The following AGBL1 variants were observed in gnomAD, a reference collection of about 807,000 sequenced individuals.
AGBL1 encodes AGBL carboxypeptidase 1, also known as cytosolic carboxypeptidase 4.
Under a neutral mutation model 118.9 loss-of-function variants are expected in AGBL1, and 130 were observed. That is an observed-to-expected ratio of 1.09 (90% CI 0.95 to 1.26). The LOEUF (loss-of-function observed/expected upper bound fraction) is 1.26, where lower values mean the gene tolerates loss of function less well. AGBL1 is among the 50% of genes most tolerant of loss of function. The pLI is 0.00. For missense variants in AGBL1, 1,584 were observed against 1,298.1 expected, an observed-to-expected ratio of 1.22 and a Z score of -3.38; for synonymous variants, 555 against 478.9, an observed-to-expected ratio of 1.16 and a Z score of -2.08.
chr15:86,862,924 C>A (rs946816208), intron 22 of AGBL1, among the ~76,000 whole-genome samples: 1 of 152,100 alleles, frequency 6.6e-6, no homozygotes, highest in Non-Finnish European at 1.5e-5. Context: ...TTGGACCAAA[C>A]ATGGTAGCTA....
intron 21 of AGBL1, among the ~76,000 whole-genome samples, chr15:86,643,652 A>T (rs1216301503): frequency 6.6e-6 from 1 of 152,122 alleles, no homozygotes; most frequent in African/African-American, 2.4e-5. Flanking sequence ...TTTTTCAGTA[A>T]TTAGTTTGAC....
In AGBL1 at chr15:86,793,797, A is replaced by T. The variant is rs150035728; in HGVS notation, c.3159-113290A>T. Among the ~76,000 whole-genome samples the T allele has an allele frequency of 3.4e-3, 523 of 152,348 alleles. 4 individuals are homozygous for T. Among genetic ancestry groups the T allele is most frequent in the African/African-American group, 0.012 (491 of 41,578 alleles). On this transcript the variant is annotated intron_variant, in intron 22 of 22. Transcript: ENST00000614907. Reference sequence around the variant, plus strand: ...CCAATTAAAAATTACGAAAGTCTTGAGTAGACTTTTTCCAAAGAAGATGCA... The same window carrying T: ...CCAATTAAAAATTACGAAAGTCTTGTGTAGACTTTTTCCAAAGAAGATGCA...
intron 17 of AGBL1, among the ~76,000 whole-genome samples, chr15:86,334,764 C>T (rs951763557): frequency 6.6e-6 from 1 of 152,082 alleles, no homozygotes; most frequent in African/African-American, 2.4e-5. Flanking sequence ...TCTAACTATA[C>T]TATAAGGCTA....
At chr15:86,847,842 A>G (rs1352077354) in intron 22 of AGBL1, among the ~76,000 whole-genome samples, 2 of 152,186 alleles carry the variant, frequency 1.3e-5, no homozygotes. Flanking sequence ...CAGGACTGGT[A>G]GAAAGCTTAC....
intron 21 of AGBL1, among the ~76,000 whole-genome samples, chr15:86,582,609 G>C (rs890670308): frequency 2.6e-5 from 4 of 152,010 alleles, no homozygotes; most frequent in Non-Finnish European, 4.4e-5. Context: ...TTGGAACCAA[G>C]CCAAATGTCC....
At chr15:86,158,166 C>T (rs1282097735) in intron 4 of AGBL1, among the ~76,000 whole-genome samples, 4 of 152,090 alleles carry the variant, frequency 2.6e-5, no homozygotes, top group East Asian at 1.9e-4. Flanking sequence ...TATGCATGGA[C>T]GATGTTCCAG....
At chr15:86,164,580 C>T (rs1177927913) in intron 5 of AGBL1, among the ~76,000 whole-genome samples, 1 of 152,188 alleles carries the variant, frequency 6.6e-6, no homozygotes, top group Non-Finnish European at 1.5e-5. Flanking sequence ...ACGTGCTTGA[C>T]CTTTTCCAAA....
In AGBL1 at chr15:86,566,086, G is replaced by T. The variant is rs1249598256; in HGVS notation, c.2994+11549G>T. Among the ~76,000 whole-genome samples the T allele has an allele frequency of 2.1e-5, 3 of 144,020 alleles. No individual in the cohort carries two copies. The East Asian group carries it at 6.9e-4, about 33-fold the overall frequency. The allele number at this position is 144,020 out of a possible 152,430, so 94.5% of individuals were successfully genotyped here. The stretch of plus-strand genomic sequence containing the variant: ...TGAGCCCTTGCACTTCCCAGGTGAG[G>T]TGATGCCTCGCCCTGCTTTGGCTCA... On this transcript the variant is annotated intron_variant, in intron 21 of 22. Coordinates refer to ENST00000614907, the MANE Select transcript of AGBL1 (RefSeq NM_001386094.1).
At chr15:86,661,652 C>T (rs2085542880) in intron 21 of AGBL1, among the ~76,000 whole-genome samples, 1 of 152,028 alleles carries the variant, frequency 6.6e-6, no homozygotes, top group Non-Finnish European at 1.5e-5. Flanking sequence ...TTGCCACGGA[C>T]TCTCATTGGT....
intron 5 of AGBL1, among the ~76,000 whole-genome samples, chr15:86,196,876 C>CGT (rs1305139523): frequency 9.8e-4 from 95 of 96,784 alleles, no homozygotes; most frequent in African/African-American, 2.6e-3. Flanking sequence ...TGTGCGCGCG[C>CGT]GCGCACACAC....
chr15:86,332,085 T>C lies in AGBL1; in HGVS notation c.2374+36677T>C, dbSNP rs141388670. On this transcript the variant is annotated intron_variant, in intron 17 of 22. Coordinates refer to ENST00000614907, the MANE Select transcript of AGBL1 (RefSeq NM_001386094.1). ...AAGTAAAGGACTGGAGAAAAATCTG[T>C]CATGCAAATGGGAAAAAAAAGCAGG... Among the ~76,000 whole-genome samples, 75 of 129,666 alleles carry C rather than the reference T, an allele frequency of 5.8e-4. 1 individual carries two copies. The highest frequency in any genetic ancestry group is 4.1e-3 in the Middle Eastern group (1 of 244). The allele number at this position is 129,666 out of a possible 152,430, so 85.1% of individuals were successfully genotyped here. A position where few individuals can be genotyped will look rare whatever the true frequency, so the allele number is the denominator to read the frequency against.
At chr15:86,540,436 A>G (rs990113475) in intron 19 of AGBL1, among the ~76,000 whole-genome samples, 1 of 152,122 alleles carries the variant, frequency 6.6e-6, no homozygotes, top group Admixed American at 6.6e-5. Context: ...TCTACTAAAA[A>G]CACAAAAAGT....
At chr15:86,604,382 A>G (rs926562661) in intron 21 of AGBL1, among the ~76,000 whole-genome samples, 1 of 152,188 alleles carries the variant, frequency 6.6e-6, no homozygotes, top group Non-Finnish European at 1.5e-5. Context: ...AATAGGTTCA[A>G]AGAAAGCTAA....
chr15:86,756,678 T>C lies in AGBL1; in HGVS notation c.3158+82242T>C, dbSNP rs538762134. On this transcript the variant is annotated intron_variant, in intron 22 of 22. Transcript: ENST00000614907. Reference sequence around the variant, plus strand: ...TATAACCAGGACCCACTGTGTGAAGTAGAGGGTGCAGCATTTGTAAAACCT... The same window carrying C: ...TATAACCAGGACCCACTGTGTGAAGCAGAGGGTGCAGCATTTGTAAAACCT... 2.0e-5 allele frequency among the ~76,000 whole-genome samples: 3 copies of C among 152,084 alleles called. No individual in the cohort carries two copies. The East Asian group carries it at 5.8e-4, about 29-fold the overall frequency.
intron 22 of AGBL1, among the ~76,000 whole-genome samples, chr15:86,717,267 T>C (rs1191130753): frequency 6.6e-6 from 1 of 152,208 alleles, no homozygotes; most frequent in East Asian, 1.9e-4. Flanking sequence ...TTCCATTTTA[T>C]AAACTCGATT....
chr15:86,360,263 T>A (rs2080783182), intron 17 of AGBL1, among the ~76,000 whole-genome samples: 1 of 151,942 alleles, frequency 6.6e-6, no homozygotes, highest in African/African-American at 2.4e-5. Flanking sequence ...GAATGGATAT[T>A]GAACTTTGTC....
intron 18 of AGBL1, among the ~76,000 whole-genome samples, chr15:86,428,022 A>G (rs913320484): frequency 6.6e-6 from 1 of 152,204 alleles, no homozygotes; most frequent in African/African-American, 2.4e-5. Context: ...CATTCTGTAG[A>G]TGATGTAACT....
chr15:86,521,646 G>A (rs1214622347), intron 18 of AGBL1, among the ~76,000 whole-genome samples: 1 of 152,152 alleles, frequency 6.6e-6, no homozygotes, highest in East Asian at 1.9e-4. Flanking sequence ...GAAGATGGAG[G>A]AGCCCCAGCC....
intron 18 of AGBL1, among the ~76,000 whole-genome samples, chr15:86,498,924 G>T (rs1303545628): frequency 6.6e-6 from 1 of 151,982 alleles, no homozygotes; most frequent in South Asian, 2.1e-4. Context: ...TGACCATGAG[G>T]CAGTTAGCAC....
Sources: gnomAD v4.1 joint callset for allele counts (sites outside exome capture counted in the v4.1 genomes callset) on GRCh38, gnomAD v4.1.1 for gene constraint, MANE v1.5 for transcripts, NCBI Gene and HGNC (gene_info 2026-07-23, HGNC 2026-07-21) for gene names.